Variants in WWOX observed in about 807,000 individuals in gnomAD.
WWOX encodes the protein WW domain-containing oxidoreductase.
A neutral mutation model predicts 46.2 loss-of-function variants in WWOX; 69 were observed. The observed-to-expected ratio is 1.49, with a 90% CI of 1.23 to 1.82. The LOEUF (loss-of-function observed/expected upper bound fraction) is 1.82. Ranked by LOEUF, WWOX falls within the 40% of genes most tolerant of loss-of-function variation. The probability of loss-of-function intolerance (pLI) is 0.00; values close to 1 mark genes in which losing one functional copy is unlikely to be tolerated. For synonymous variants in WWOX, 359 were observed against 202.6 expected, an observed-to-expected ratio of 1.77 and a Z score of -6.56; for missense variants, 919 against 542.6, an observed-to-expected ratio of 1.69 and a Z score of -6.89.
chr16:78,770,836 C>G (rs975096847), intron 8 of WWOX, among the ~76,000 whole-genome samples: 1 of 152,226 alleles, frequency 6.6e-6, no homozygotes, highest in Non-Finnish European at 1.5e-5. Context: ...CTAAATGTGC[C>G]TGGTACTGAG....
intron 8 of WWOX, among the ~76,000 whole-genome samples, chr16:78,500,524 C>G (rs2085035700): frequency 6.6e-6 from 1 of 152,022 alleles, no homozygotes; most frequent in Non-Finnish European, 1.5e-5. Context: ...CCATGAGAAG[C>G]CATAGCAAGA....
At chr16:78,890,313 T>TCTCCATCATTCTTAAATTTGAC (rs565585677) in intron 8 of WWOX, 8 of 135,374 alleles carry the variant, frequency 5.9e-5, no homozygotes, top group Non-Finnish European at 8.8e-5. Context: ...ACCTCTTGCC[T>TCTCCATCATTCTTAAATTTGAC]CTCCATCATT....
chr16:78,422,850 C>G (rs1334282586), intron 6 of WWOX, among the ~76,000 whole-genome samples: 1 of 93,254 alleles, frequency 1.1e-5, no homozygotes. Flanking sequence ...CATATACACA[C>G]ACACACACAC....
At chr16:78,114,543 A>G (rs2032671588) in intron 3 of WWOX, among the ~76,000 whole-genome samples, 1 of 152,194 alleles carries the variant, frequency 6.6e-6, no homozygotes. Context: ...TACAACTAAG[A>G]CTTTATCATT....
At chr16:78,950,369 A>G (rs967516306) in intron 8 of WWOX, among the ~76,000 whole-genome samples, 2 of 152,168 alleles carry the variant, frequency 1.3e-5, no homozygotes, top group Admixed American at 1.3e-4. Flanking sequence ...TGTTACTACA[A>G]AAGCATGGTG....
intron 8 of WWOX, among the ~76,000 whole-genome samples, chr16:79,031,934 G>GTA (rs1567501347): frequency 6.2e-5 from 4 of 64,882 alleles, no homozygotes; most frequent in Non-Finnish European, 1.6e-4. Flanking sequence ...ATAGATATCT[G>GTA]TATACAGATA....
chr16:78,725,585 G>A (rs2048810714), intron 8 of WWOX, among the ~76,000 whole-genome samples: 2 of 151,924 alleles, frequency 1.3e-5, no homozygotes, highest in East Asian at 1.9e-4. Context: ...GACCTCAGGC[G>A]ATCTACCCGC....
chr16:78,357,154 C>G (rs1375412293), intron 5 of WWOX, among the ~76,000 whole-genome samples: 1 of 152,156 alleles, frequency 6.6e-6, no homozygotes, highest in Non-Finnish European at 1.5e-5. Context: ...CTTTGAGTCA[C>G]TGCAGTAAAG....
intron 8 of WWOX, among the ~76,000 whole-genome samples, chr16:78,480,380 ACT>A (rs1258610222): frequency 6.6e-6 from 1 of 151,876 alleles, no homozygotes; most frequent in African/African-American, 2.4e-5. Context: ...TATCCATTAA[ACT>A]CTTTCATTTA....
At chr16:78,533,095 T>G (rs943729335) in intron 8 of WWOX, among the ~76,000 whole-genome samples, 1 of 152,188 alleles carries the variant, frequency 6.6e-6, no homozygotes. Context: ...TCAGTTCCTT[T>G]CCATCCTCAG....
At chr16:78,911,754 T>C (rs2045117330) in intron 8 of WWOX, among the ~76,000 whole-genome samples, 1 of 152,004 alleles carries the variant, frequency 6.6e-6, no homozygotes, top group Admixed American at 6.6e-5. Flanking sequence ...TAATCTCAGC[T>C]ACTCAGGAGG....
At position 78,386,913 on chromosome 16, in the gene WWOX, G is replaced by T; in HGVS notation, c.570G>T (p.Val190=). 6.2e-7 allele frequency: 1 copy of T among 1,614,136 alleles called. No individual in the cohort carries two copies. The change falls in exon 6 of 9, where the codon GTG becomes GTT. Residue 190 remains valine (V), a synonymous_variant. Coordinates refer to ENST00000566780, the MANE Select transcript of WWOX (RefSeq NM_016373.4). ...MTLDLALLRS[V]QHFAEAFKAK... ...TGGACCTCGCTCTGCTCCGTAGCGT[G>T]CAGCATTTTGCTGAAGCATTCAAGG...
At chr16:79,124,885 T>G (rs894648884) in intron 8 of WWOX, among the ~76,000 whole-genome samples, 5 of 152,160 alleles carry the variant, frequency 3.3e-5, no homozygotes, top group Non-Finnish European at 7.3e-5. Context: ...TGCCAGACCC[T>G]TACATATTTT....
At chr16:78,521,464 C>G (rs116301095) in intron 8 of WWOX, among the ~76,000 whole-genome samples, 3 of 152,148 alleles carry the variant, frequency 2.0e-5, no homozygotes, top group East Asian at 1.9e-4. Context: ...AGACAAGGCT[C>G]AAGTTCATAT....
intron 8 of WWOX, among the ~76,000 whole-genome samples, chr16:79,069,362 G>A (rs1055023961): frequency 6.6e-6 from 1 of 152,158 alleles, no homozygotes; most frequent in African/African-American, 2.4e-5. Flanking sequence ...CAGTGATTGG[G>A]AACAAATTCA....
chr16:78,436,601 G>T (rs576196428), intron 8 of WWOX, among the ~76,000 whole-genome samples: 1 of 152,200 alleles, frequency 6.6e-6, no homozygotes, highest in African/African-American at 2.4e-5. Context: ...AGAAGTTATT[G>T]AGGTTTTTGC....
At position 78,830,270 on chromosome 16, in the gene WWOX, C is replaced by G. The variant is rs1436626268; in HGVS notation, c.1057-381338C>G. On this transcript the variant is annotated intron_variant, in intron 8 of 8. Coordinates refer to ENST00000566780, the MANE Select transcript of WWOX (RefSeq NM_016373.4). ...ATGATATTTATATGGGGTTATTGTC[C>G]TCCCTTTGTGTATGTTTAAAATTTT... Among the ~76,000 whole-genome samples, 3 of 151,624 alleles carry G rather than the reference C, an allele frequency of 2.0e-5. No individual in the cohort carries two copies. The East Asian group carries it at 5.8e-4, about 29-fold the overall frequency.
At chr16:78,884,516 A>G (rs1353573925) in intron 8 of WWOX, among the ~76,000 whole-genome samples, 1 of 152,190 alleles carries the variant, frequency 6.6e-6, no homozygotes, top group Non-Finnish European at 1.5e-5. Context: ...ACCAACAAGA[A>G]TGAATGACTT....
chr16:78,598,919 C>G (rs9929662), intron 8 of WWOX, among the ~76,000 whole-genome samples: 32,896 of 152,104 alleles, frequency 0.22, 4,791 homozygotes, highest in African/African-American at 0.42. Flanking sequence ...CACTCAGATT[C>G]CCGCCTCTCA....
Sources: allele counts gnomAD v4.1 joint callset (sites outside exome capture counted in the v4.1 genomes callset), GRCh38; gene constraint gnomAD v4.1.1; transcripts MANE v1.5; gene names NCBI Gene and HGNC (gene_info 2026-07-23, HGNC 2026-07-21).